NUAK2: variants seen among roughly 807,000 people sequenced by gnomAD.
The protein encoded by NUAK2 is NUAK family SNF1-like kinase 2.
A neutral mutation model predicts 29.8 loss-of-function variants in NUAK2; 20 were observed. The observed-to-expected ratio is 0.67, with a 90% confidence interval of 0.47 to 0.98. The LOEUF (loss-of-function observed/expected upper bound fraction) is 0.98. Ranked by LOEUF, NUAK2 falls within the 50% of genes least tolerant of loss-of-function variation. The probability of loss-of-function intolerance (pLI) is 0.00; values close to 1 mark genes in which losing one functional copy is unlikely to be tolerated. For missense variants in NUAK2, 719 were observed against 834.5 expected (o/e 0.86, Z 1.71); for synonymous variants, 331 against 342.6 (o/e 0.97, Z 0.37).
intron 1 of NUAK2, 61 bp downstream of exon 1, chr1:205,321,337 C>T (rs1332622892): frequency 2.1e-6 from 3 of 1,447,788 alleles, no homozygotes; most frequent in Non-Finnish European, 1.9e-6. Context: ...CGCCCTCCTC[C>T]GCTCCCTGCC....
chr1:205,309,059 C>T (rs1222729187), intron 2 of NUAK2, among the ~76,000 whole-genome samples: 2 of 151,574 alleles, frequency 1.3e-5, no homozygotes, highest in Non-Finnish European at 2.9e-5. Context: ...GGCCAGGCTC[C>T]TTGGTTCAAG....
In NUAK2 at chr1:205,303,632, G is replaced by T. The variant is rs561905076; in HGVS notation, c.1705C>A (p.Arg569=). 1.3e-6 allele frequency: 2 copies of T among 1,595,742 alleles called. No homozygotes were observed. The highest frequency in any genetic ancestry group is 2.2e-5 in the East Asian group (1 of 44,696). Residue 569 remains arginine (R), a synonymous_variant, in exon 7 of 7, where the codon CGG becomes AGG. Transcript: ENST00000367157. ...LPERLPEPPL[R]GCVSVDNLTG... ...AGGTTGTCCACAGACACACAGCCCC[G>T]CAGTGGGGGCTCTGGGAGCCGTTCA...
chr1:205,321,712 C>G lies in NUAK2; in HGVS notation c.-84G>C. On this transcript the variant is annotated 5_prime_UTR_variant, in exon 1 of 7. Coordinates refer to ENST00000367157, the MANE Select transcript of NUAK2 (RefSeq NM_030952.3). The stretch of plus-strand genomic sequence containing the variant: ...GAAGCGCGGGGCACAGGTCCCGCAC[C>G]AGGACGGGGAGCCACAGCAGTACCA... 1 of 1,128,774 alleles carries G rather than the reference C, an allele frequency of 8.9e-7. No individual in the cohort carries two copies. The highest frequency in any genetic ancestry group is 2.0e-4 in the Middle Eastern group (1 of 5,022). The allele number at this position is 1,128,774 out of a possible 1,614,324, so 69.9% of individuals were successfully genotyped here.
intron 1 of NUAK2, among the ~76,000 whole-genome samples, chr1:205,313,999 AC>A (rs1316322863): frequency 6.6e-6 from 1 of 151,972 alleles, no homozygotes; most frequent in Non-Finnish European, 1.5e-5. Context: ...AAAAAAGGAA[AC>A]CCCTGCTCGA....
Position 205,304,075 on chromosome 1 carries a change from C to T in NUAK2, c.1262G>A (p.Gly421Glu). 6.2e-7 allele frequency: 1 copy of T among 1,614,158 alleles called. No homozygotes were observed. The highest frequency in any genetic ancestry group is 8.5e-7 in the Non-Finnish European group (1 of 1,180,016). The change falls in exon 7 of 7, where the codon GGG (glycine) becomes GAG (glutamate). Residue 421 changes from glycine to glutamate, a missense_variant. Physicochemically the swap from Gly to Glu is moderately conservative, Grantham distance 98 (BLOSUM62 -2). Coordinates refer to ENST00000367157, the MANE Select transcript of NUAK2 (RefSeq NM_030952.3). This position sits in a 1 kb window ranked among gnomAD's most constrained non-coding sequence, Gnocchi z 6.5. ...GAGCTCCGGAGGGTCCTCCTGTACC[C>T]CTTCTGCAGAGGCTGACACCTTCTT... ...LKKKVSASAE[G>E]VQEDPPELSP... is the part of the protein sequence containing the mutation.
intron 1 of NUAK2, among the ~76,000 whole-genome samples, chr1:205,320,055 A>T (rs904726978): frequency 2.0e-5 from 3 of 152,198 alleles, no homozygotes; most frequent in African/African-American, 7.2e-5. Flanking sequence ...GCCCTATCCT[A>T]GACCTTCAGA....
At chr1:205,319,524 C>A (rs76784287) in intron 1 of NUAK2, among the ~76,000 whole-genome samples, 2 of 152,122 alleles carry the variant, frequency 1.3e-5, no homozygotes, top group African/African-American at 4.8e-5. Context: ...TGGGCCACCC[C>A]AGTCCCCACG....
intron 2 of NUAK2, 100 bp downstream of exon 2, chr1:205,311,603 TAC>T: frequency 6.8e-7 from 1 of 1,470,224 alleles, no homozygotes; most frequent in South Asian, 1.2e-5. Flanking sequence ...ATATTTTTTT[TAC>T]TTCTTTATGT....
intron 1 of NUAK2, 146 bp from the exon 2 acceptor site, chr1:205,311,971 CA>C (rs1574893328): frequency 9.6e-7 from 1 of 1,042,030 alleles, no homozygotes; most frequent in East Asian, 2.5e-5. Context: ...GTGTAGGTGG[CA>C]GAGAGGCTGG....
At chr1:205,311,153 C>T (rs1020473034) in intron 2 of NUAK2, among the ~76,000 whole-genome samples, 3 of 152,126 alleles carry the variant, frequency 2.0e-5, no homozygotes, top group Non-Finnish European at 4.4e-5. Context: ...GCACTGATGT[C>T]AGAGAAGAGG....
intron 1 of NUAK2, among the ~76,000 whole-genome samples, chr1:205,318,817 C>T (rs956297448): frequency 6.6e-6 from 1 of 152,212 alleles, no homozygotes; most frequent in Non-Finnish European, 1.5e-5. Flanking sequence ...CCTTTGATGT[C>T]CTCCTAGAGC....
At chr1:205,317,842 G>T (rs1364193633) in intron 1 of NUAK2, among the ~76,000 whole-genome samples, 1 of 152,204 alleles carries the variant, frequency 6.6e-6, no homozygotes, top group African/African-American at 2.4e-5. Flanking sequence ...AACCAAAGTG[G>T]TTTGGCTTAG....
rs201661341 is a variant in NUAK2 at position 205,303,861 on chromosome 1, T to G, written c.1476A>C (p.Ser492=). 4.3e-6 allele frequency: 7 copies of G among 1,613,590 alleles called. No homozygotes were observed. The highest frequency in any genetic ancestry group is 5.9e-6 in the Non-Finnish European group (7 of 1,179,730). The change falls in exon 7 of 7, where the codon TCA becomes TCC. Residue 492 remains serine (S), a synonymous_variant. Coordinates refer to ENST00000367157, the MANE Select transcript of NUAK2 (RefSeq NM_030952.3). ...DPKEQKPPQA[S]GLLLHRKGIL... ...TGCCTTTGCGATGGAGGAGCAGCCC[T>G]GAAGCTTGCGGAGGCTTCTGCTCCT...
At chr1:205,305,363 C>T (rs1473975340) in intron 5 of NUAK2, 32 bp from the exon 6 acceptor site, 6 of 1,602,788 alleles carry the variant, frequency 3.7e-6, no homozygotes, top group Non-Finnish European at 3.4e-6. Context: ...AGCAGGGATG[C>T]CCATACCAGA....
chr1:205,309,936 T>A (rs1052038928), intron 2 of NUAK2, among the ~76,000 whole-genome samples: 2 of 152,234 alleles, frequency 1.3e-5, no homozygotes, highest in African/African-American at 4.8e-5. Context: ...AGTGGCCCTC[T>A]TGCCACTTGA....
In NUAK2 at chr1:205,314,620, C is replaced by G. The variant is rs1362349860; in HGVS notation, c.232-2795G>C. ...CTCCCTGAGGGGGAGATTTTATGGA[C>G]AAGTTATTTTCTCTCTAAAATTCTT... On this transcript the variant is annotated intron_variant, in intron 1 of 6. Transcript: ENST00000367157. 2.6e-5 allele frequency among the ~76,000 whole-genome samples: 4 copies of G among 152,088 alleles called. 1 individual carries two copies. The highest frequency in any genetic ancestry group is 9.7e-5 in the African/African-American group (4 of 41,408).
Position 205,303,729 on chromosome 1 carries a change from G to A in NUAK2, c.1608C>T (p.Ala536=), listed in dbSNP as rs749131798. ...CGCTCACAGCCCCTGAGGGTCGGCT[G>A]GCCCGGGCCAGGGGGCGAGGTGGGG... ...ELAPPRPLAR[A]SRPSGAVSED... The change falls in exon 7 of 7, where the codon GCC becomes GCT. Residue 536 remains alanine (A), a synonymous_variant. Coordinates refer to ENST00000367157, the MANE Select transcript of NUAK2 (RefSeq NM_030952.3). The A allele has an allele frequency of 1.3e-6, 2 of 1,538,458 alleles. No homozygotes were observed. Among genetic ancestry groups the A allele is most frequent in the South Asian group, 1.3e-5 (1 of 78,464 alleles).
chr1:205,317,487 C>T (rs1038275702), intron 1 of NUAK2, among the ~76,000 whole-genome samples: 46 of 152,154 alleles, frequency 3.0e-4, no homozygotes, highest in Admixed American at 6.5e-4. Flanking sequence ...AGGGGTGGCT[C>T]GCCATCCCAC....
chr1:205,319,077 G>A (rs576529587), intron 1 of NUAK2, among the ~76,000 whole-genome samples: 5 of 140,562 alleles, frequency 3.6e-5, no homozygotes, highest in African/African-American at 7.6e-5. Flanking sequence ...GGTCTCTCTC[G>A]ATTCACGAAG....
Sources: gnomAD v4.1 joint callset for allele counts (sites outside exome capture counted in the v4.1 genomes callset) on GRCh38, gnomAD v4.1.1 for gene constraint, Gnocchi (gnomAD v3.1) non-coding constraint, MANE v1.5 for transcripts, NCBI Gene and HGNC (gene_info 2026-07-23, HGNC 2026-07-21) for gene names.